Variants in MEGF11 observed in about 807,000 individuals in gnomAD.
MEGF11 encodes multiple EGF like domains 11.
In MEGF11, 126 loss-of-function variants were observed where a neutral mutation model predicts 146.6. That is an observed-to-expected ratio of 0.86 (90% CI 0.74 to 1.00). MEGF11 has a LOEUF of 1.00. Ranked by LOEUF, MEGF11 falls within the 50% of genes least tolerant of loss-of-function variation. MEGF11 has a pLI of 0.00. For missense variants in MEGF11, 1,509 were observed against 1,521.2 expected, an observed-to-expected ratio of 0.99 and a Z score of 0.13; for synonymous variants, 532 against 583.4, an observed-to-expected ratio of 0.91 and a Z score of 1.27.
At chr15:66,029,786 TCAACGCCC>T (rs915194763) in intron 5 of MEGF11, among the ~76,000 whole-genome samples, 17 of 152,192 alleles carry the variant, frequency 1.1e-4, no homozygotes, top group Non-Finnish European at 2.9e-5. Flanking sequence ...TCCACCAACA[TCAACGCCC>T]CTCCTGGGGC....
chr15:66,102,917 A>G (rs1178984263), intron 4 of MEGF11, among the ~76,000 whole-genome samples: 1 of 152,236 alleles, frequency 6.6e-6, no homozygotes, highest in Non-Finnish European at 1.5e-5. Context: ...GACACTCAGC[A>G]CTTACTGTGT....
chr15:66,249,443 C>T (rs545740503), intron 1 of MEGF11, among the ~76,000 whole-genome samples: 2 of 152,320 alleles, frequency 1.3e-5, no homozygotes, highest in South Asian at 4.1e-4. Context: ...TAAACCCCCA[C>T]AGAGCCACCG....
chr15:65,926,936 G>A (rs1056990901), intron 13 of MEGF11, among the ~76,000 whole-genome samples: 5 of 152,200 alleles, frequency 3.3e-5, no homozygotes, highest in African/African-American at 1.2e-4. Flanking sequence ...GGCAGGGGAA[G>A]CCAGGCTGGA....
intron 4 of MEGF11, among the ~76,000 whole-genome samples, chr15:66,113,887 AAAAAAG>A (rs967822450): frequency 6.6e-6 from 1 of 151,994 alleles, no homozygotes; most frequent in Non-Finnish European, 1.5e-5. Flanking sequence ...TCTCAAAAAA[AAAAAAG>A]AAAAAGAAAC....
At chr15:66,010,335 G>A (rs1337167223) in intron 5 of MEGF11, among the ~76,000 whole-genome samples, 1 of 151,990 alleles carries the variant, frequency 6.6e-6, no homozygotes, top group Non-Finnish European at 1.5e-5. Flanking sequence ...TGGGATTACA[G>A]ATGTGCACCA....
At chr15:66,042,828 G>C (rs1342864053) in intron 5 of MEGF11, among the ~76,000 whole-genome samples, 1 of 152,190 alleles carries the variant, frequency 6.6e-6, no homozygotes, top group Non-Finnish European at 1.5e-5. Context: ...GGGCATACTG[G>C]ATCAGGTGCC....
At position 65,970,593 on chromosome 15, in the gene MEGF11, T is replaced by A. The variant is rs1172120371; in HGVS notation, c.859A>T (p.Thr287Ser). 6 of 1,613,862 alleles carry A rather than the reference T, an allele frequency of 3.7e-6. No homozygotes were observed. Among genetic ancestry groups the A allele is most frequent in the Middle Eastern group, 1.6e-4 (1 of 6,084 alleles). Residue 287 changes from threonine to serine, a missense_variant, in exon 8 of 26, where the codon ACT becomes TCT. Physicochemically the swap from Thr to Ser is moderately conservative, Grantham distance 58. Coordinates refer to ENST00000395614, the MANE Select transcript of MEGF11 (RefSeq NM_001385028.1). Reference protein sequence around the residue: ...CHHGGQCDHVTGQCHCTAGYM... With the variant: ...CHHGGQCDHVSGQCHCTAGYM... ...CCAGCTGTACAGTGGCACTGTCCAG[T>A]CACGTGGTCACACTGCCCTCCATGG...
chr15:65,966,077 C>T (rs772638159), intron 8 of MEGF11, among the ~76,000 whole-genome samples: 25 of 152,134 alleles, frequency 1.6e-4, no homozygotes, highest in Non-Finnish European at 3.1e-4. Flanking sequence ...CTTGCTGCAA[C>T]CTCCGCCTCC....
chr15:66,150,885 A>G (rs1299639781), intron 1 of MEGF11, among the ~76,000 whole-genome samples: 1 of 146,882 alleles, frequency 6.8e-6, no homozygotes, highest in Non-Finnish European at 1.5e-5. Context: ...GAATTTTCCA[A>G]GGCCACACCC....
chr15:65,915,254 G>A lies in MEGF11; in HGVS notation c.2473+216C>T, dbSNP rs146633181. On this transcript the variant is annotated intron_variant, in intron 19 of 25. Coordinates refer to ENST00000395614, the MANE Select transcript of MEGF11 (RefSeq NM_001385028.1). ...CCCTTGCTTGGCTCATGGGAAACTTGCCAAGGGTGAGCCTAGGGAGGCTGT... is the reference window on the plus strand; with the variant it reads ...CCCTTGCTTGGCTCATGGGAAACTTACCAAGGGTGAGCCTAGGGAGGCTGT... Among the ~76,000 whole-genome samples, 33 of 152,298 alleles carry A rather than the reference G, an allele frequency of 2.2e-4. 1 individual carries two copies. The East Asian group carries it at 6.4e-3, about 29-fold the overall frequency.
At chr15:66,144,645 C>G (rs969294725) in intron 1 of MEGF11, among the ~76,000 whole-genome samples, 9 of 152,168 alleles carry the variant, frequency 5.9e-5, no homozygotes, top group African/African-American at 1.9e-4. Flanking sequence ...TATACAGCAA[C>G]AGGCACAGGG....
chr15:66,169,229 G>A (rs1032096012), intron 1 of MEGF11, among the ~76,000 whole-genome samples: 1 of 152,232 alleles, frequency 6.6e-6, no homozygotes, highest in Non-Finnish European at 1.5e-5. Flanking sequence ...CACATTCGCT[G>A]AAGGATTAAA....
chr15:66,150,201 C>T (rs1198042009), intron 1 of MEGF11, among the ~76,000 whole-genome samples: 1 of 152,182 alleles, frequency 6.6e-6, no homozygotes, highest in African/African-American at 2.4e-5. Flanking sequence ...GCCAGGCCAC[C>T]CAGGGGAGAA....
chr15:66,088,200 A>G (rs1409356627), intron 5 of MEGF11, among the ~76,000 whole-genome samples: 3 of 152,272 alleles, frequency 2.0e-5, no homozygotes, highest in Admixed American at 1.3e-4. Flanking sequence ...TACCAACAAA[A>G]AAAAGTCCAG....
At chr15:66,063,903 T>C (rs2085009064) in intron 5 of MEGF11, among the ~76,000 whole-genome samples, 2 of 152,192 alleles carry the variant, frequency 1.3e-5, no homozygotes, top group Non-Finnish European at 2.9e-5. Context: ...TATCCTTACT[T>C]TTTTCTAATG....
At chr15:65,906,229 C>A (rs539853949) in intron 23 of MEGF11, 88 bp from the exon 24 acceptor site, 16 of 950,576 alleles carry the variant, frequency 1.7e-5, no homozygotes, top group Non-Finnish European at 2.6e-5. Context: ...CTTGCTTTTC[C>A]CCCCCCTTCT....
intron 5 of MEGF11, among the ~76,000 whole-genome samples, chr15:66,031,894 G>A (rs988405213): frequency 2.6e-5 from 4 of 152,226 alleles, no homozygotes; most frequent in Non-Finnish European, 4.4e-5. Flanking sequence ...GTACTGGTCT[G>A]TAGCCTGTTA....
chr15:66,189,189 C>G (rs1271022089), intron 1 of MEGF11, among the ~76,000 whole-genome samples: 2 of 152,160 alleles, frequency 1.3e-5, no homozygotes, highest in Non-Finnish European at 2.9e-5. Flanking sequence ...CCCAGGGAGA[C>G]AGTCACTTGT....
At chr15:65,991,197 T>G (rs1410474078) in intron 5 of MEGF11, among the ~76,000 whole-genome samples, 2 of 152,186 alleles carry the variant, frequency 1.3e-5, no homozygotes, top group African/African-American at 4.8e-5. Context: ...ACCCATCTCC[T>G]AGGGTAGCAG....
Sources: gnomAD v4.1 joint callset for allele counts (sites outside exome capture counted in the v4.1 genomes callset) on GRCh38, gnomAD v4.1.1 for gene constraint, MANE v1.5 for transcripts, NCBI Gene and HGNC (gene_info 2026-07-23, HGNC 2026-07-21) for gene names.